The following DCC variants were observed in gnomAD, a reference collection of about 807,000 sequenced individuals.
DCC encodes the protein DCC netrin 1 receptor.
Under a neutral mutation model 172.5 loss-of-function variants are expected in DCC, and 58 were observed. The ratio of observed to expected loss-of-function variants is 0.34; its 90% CI spans 0.27 to 0.42. DCC has a LOEUF of 0.42. Among genes scored for constraint, DCC ranks in the 10% least tolerant of loss-of-function variants. The pLI is 1.00. For missense variants in DCC, 1,740 were observed against 1,791.0 expected, an observed-to-expected ratio of 0.97 and a Z score of 0.51; for synonymous variants, 709 against 644.5, an observed-to-expected ratio of 1.10 and a Z score of -1.52.
intron 1 of DCC, among the ~76,000 whole-genome samples, chr18:52,390,596 C>G (rs1417093677): frequency 6.6e-6 from 1 of 152,076 alleles, no homozygotes; most frequent in Non-Finnish European, 1.5e-5. Context: ...TTTTATGCTA[C>G]TGTGCAGTCT....
intron 1 of DCC, among the ~76,000 whole-genome samples, chr18:52,672,683 T>G (rs1460019469): frequency 7.7e-6 from 1 of 130,632 alleles, no homozygotes; most frequent in East Asian, 2.7e-4. Flanking sequence ...CCTTCCCTCC[T>G]TCCTTCTTCC....
At chr18:52,605,511 T>G (rs191044497) in intron 1 of DCC, among the ~76,000 whole-genome samples, 1 of 152,308 alleles carries the variant, frequency 6.6e-6, no homozygotes, top group East Asian at 1.9e-4. Context: ...TGTGGTACTT[T>G]AGAAGAAATT....
At chr18:53,403,141 A>C (rs927970285) in intron 19 of DCC, among the ~76,000 whole-genome samples, 1 of 150,808 alleles carries the variant, frequency 6.6e-6, no homozygotes, top group Non-Finnish European at 1.5e-5. Flanking sequence ...TGCTTCACGA[A>C]AGATGTGTAT....
chr18:53,009,753 T>C (rs1367781133), intron 5 of DCC, among the ~76,000 whole-genome samples: 1 of 151,918 alleles, frequency 6.6e-6, no homozygotes, highest in African/African-American at 2.4e-5. Flanking sequence ...AAAACAGCAA[T>C]CACATTTTCA....
chr18:53,495,384 C>T (rs1432856326), intron 26 of DCC, among the ~76,000 whole-genome samples: 1 of 63,310 alleles, frequency 1.6e-5, no homozygotes, highest in Non-Finnish European at 3.0e-5. Flanking sequence ...AGCAAGACTC[C>T]ATCTCAAAAA....
At chr18:53,225,744 G>T (rs187685030) in intron 12 of DCC, among the ~76,000 whole-genome samples, 5 of 152,276 alleles carry the variant, frequency 3.3e-5, no homozygotes, top group Admixed American at 3.3e-4. Flanking sequence ...GACCATTTGA[G>T]ACTGGTTGTC....
chr18:53,499,573 A>C, intron 27 of DCC, 63 bp downstream of exon 27: 1 of 1,359,892 alleles, frequency 7.4e-7, no homozygotes. Flanking sequence ...ATTTAAGTGC[A>C]TGAGGGTGCT....
intron 1 of DCC, among the ~76,000 whole-genome samples, chr18:52,509,009 T>G (rs1401177686): frequency 6.6e-6 from 1 of 152,244 alleles, no homozygotes; most frequent in Non-Finnish European, 1.5e-5. Flanking sequence ...TTTAATTGAT[T>G]TTAATTTTAT....
At chr18:53,113,277 A>G (rs990853920) in intron 7 of DCC, among the ~76,000 whole-genome samples, 13 of 151,602 alleles carry the variant, frequency 8.6e-5, no homozygotes, top group African/African-American at 2.9e-4. Context: ...CGGTAAATAA[A>G]CTATAGAACA....
At chr18:53,089,080 G>T (rs548464359) in intron 7 of DCC, among the ~76,000 whole-genome samples, 34 of 151,966 alleles carry the variant, frequency 2.2e-4, no homozygotes, top group Middle Eastern at 6.8e-3. Context: ...TCACTTTTTT[G>T]TTGTTGTTGT....
At chr18:53,034,250 T>C (rs2042063499) in intron 5 of DCC, among the ~76,000 whole-genome samples, 1 of 152,074 alleles carries the variant, frequency 6.6e-6, no homozygotes, top group Non-Finnish European at 1.5e-5. Context: ...TAACATGATA[T>C]CTATTCATAC....
At chr18:52,452,543 G>A (rs1011314082) in intron 1 of DCC, among the ~76,000 whole-genome samples, 1 of 152,114 alleles carries the variant, frequency 6.6e-6, no homozygotes, top group Non-Finnish European at 1.5e-5. Context: ...GCAAAACAGG[G>A]GAAGATGCTT....
intron 1 of DCC, among the ~76,000 whole-genome samples, chr18:52,464,940 T>C (rs548363787): frequency 4.6e-5 from 7 of 152,084 alleles, no homozygotes; most frequent in Non-Finnish European, 1.0e-4. Context: ...TTTAGGTAGA[T>C]ATATAGAAAT....
At chr18:53,061,851 G>A (rs2042499622) in intron 5 of DCC, among the ~76,000 whole-genome samples, 1 of 152,070 alleles carries the variant, frequency 6.6e-6, no homozygotes, top group Admixed American at 6.6e-5. Flanking sequence ...AAAGGGCTTA[G>A]GATAATAAAC....
chr18:52,888,632 T>C (rs1176092380), intron 2 of DCC, among the ~76,000 whole-genome samples: 1 of 151,966 alleles, frequency 6.6e-6, no homozygotes, highest in Non-Finnish European at 1.5e-5. Context: ...TATATATAAA[T>C]ATTGCAAAAA....
chr18:52,553,604 G>A (rs2032834772), intron 1 of DCC, among the ~76,000 whole-genome samples: 1 of 151,960 alleles, frequency 6.6e-6, no homozygotes, highest in Non-Finnish European at 1.5e-5. Flanking sequence ...GAATGAGTGA[G>A]GAACCCTGTC....
chr18:52,651,866 G>A (rs1464055199), intron 1 of DCC, among the ~76,000 whole-genome samples: 2 of 152,076 alleles, frequency 1.3e-5, no homozygotes, highest in African/African-American at 2.4e-5. Flanking sequence ...CTGATAAGAG[G>A]GGAAGAAATT....
chr18:52,526,533 T>G (rs1360665249), intron 1 of DCC, among the ~76,000 whole-genome samples: 1 of 151,986 alleles, frequency 6.6e-6, no homozygotes, highest in Non-Finnish European at 1.5e-5. Flanking sequence ...AACCAATAGA[T>G]TTAAGGCCAG....
At chr18:53,160,592 G>C (rs915971518) in intron 8 of DCC, among the ~76,000 whole-genome samples, 4 of 152,146 alleles carry the variant, frequency 2.6e-5, no homozygotes, top group African/African-American at 9.7e-5. Flanking sequence ...TAGATGGAAA[G>C]GTGTAACTGG....
Sources: gnomAD v4.1 joint callset for allele counts (sites outside exome capture counted in the v4.1 genomes callset) on GRCh38, gnomAD v4.1.1 for gene constraint, MANE v1.5 for transcripts, NCBI Gene and HGNC (gene_info 2026-07-23, HGNC 2026-07-21) for gene names.